The following CACNA2D3 variants were observed in gnomAD, a reference collection of about 807,000 sequenced individuals.
The protein encoded by CACNA2D3 is voltage-dependent calcium channel subunit alpha-2/delta-3.
CACNA2D3 carries 60 observed loss-of-function variants against 160.6 expected under a neutral mutation model. The ratio of observed to expected loss-of-function variants is 0.37; its 90% CI spans 0.30 to 0.46. The LOEUF (loss-of-function observed/expected upper bound fraction) is 0.46, where lower values mean the gene tolerates loss of function less well. Ranked by LOEUF, CACNA2D3 falls within the 20% of genes least tolerant of loss-of-function variation. The pLI is 1.00. For missense variants in CACNA2D3, 1,205 were observed against 1,365.0 expected (o/e 0.88, Z 1.85); for synonymous variants, 558 against 492.9 (o/e 1.13, Z -1.75).
intron 9 of CACNA2D3, among the ~76,000 whole-genome samples, chr3:54,603,386 C>T (rs559056738): frequency 3.0e-4 from 46 of 152,328 alleles, no homozygotes; most frequent in African/African-American, 1.1e-3. Flanking sequence ...ATCTATCCAA[C>T]CCCTTTCTTT....
intron 10 of CACNA2D3, among the ~76,000 whole-genome samples, chr3:54,641,913 G>A (rs1418974394): frequency 6.6e-6 from 1 of 151,980 alleles, no homozygotes; most frequent in Non-Finnish European, 1.5e-5. Context: ...TTGGTTGGAG[G>A]GCTTAGAATT....
chr3:54,896,699 C>A (rs1341646086), intron 25 of CACNA2D3, 50 bp from the exon 26 acceptor site: 1 of 1,613,174 alleles, frequency 6.2e-7, no homozygotes, highest in Non-Finnish European at 8.5e-7. Flanking sequence ...CCAGGCCCAC[C>A]TTTACTCTGC....
At chr3:54,660,225 A>G (rs991470827) in intron 11 of CACNA2D3, among the ~76,000 whole-genome samples, 2 of 150,338 alleles carry the variant, frequency 1.3e-5, no homozygotes, top group African/African-American at 4.9e-5. Flanking sequence ...CAGTGGCACC[A>G]TCTTGGCTCA....
chr3:54,810,284 G>C (rs1036197481), intron 13 of CACNA2D3, among the ~76,000 whole-genome samples: 13 of 152,212 alleles, frequency 8.5e-5, no homozygotes, highest in Non-Finnish European at 1.8e-4. Context: ...GAGTGAACCT[G>C]GAGAGACCAG....
chr3:54,596,492 T>C (rs1391478535), intron 9 of CACNA2D3, among the ~76,000 whole-genome samples: 4 of 152,142 alleles, frequency 2.6e-5, no homozygotes. Flanking sequence ...AGTCTCCATA[T>C]GTATGGGCTC....
chr3:54,807,441 A>C (rs1375210991), intron 13 of CACNA2D3, among the ~76,000 whole-genome samples: 2 of 152,226 alleles, frequency 1.3e-5, no homozygotes, highest in African/African-American at 4.8e-5. Flanking sequence ...GCAGCCAAAA[A>C]ACACATGAAA....
At chr3:55,010,508 G>T (rs1703186926) in intron 34 of CACNA2D3, among the ~76,000 whole-genome samples, 1 of 152,138 alleles carries the variant, frequency 6.6e-6, no homozygotes, top group African/African-American at 2.4e-5. Flanking sequence ...ATGAACGCTG[G>T]CTCCAGCAGT....
At chr3:54,221,892 A>G (rs1340765737) in intron 2 of CACNA2D3, among the ~76,000 whole-genome samples, 5 of 151,870 alleles carry the variant, frequency 3.3e-5, no homozygotes, top group Non-Finnish European at 7.4e-5. Context: ...TCTGTCATCC[A>G]GGCTGGAGTG....
intron 25 of CACNA2D3, among the ~76,000 whole-genome samples, chr3:54,894,943 A>G (rs1367557222): frequency 6.6e-6 from 1 of 151,494 alleles, no homozygotes; most frequent in Non-Finnish European, 1.5e-5. Flanking sequence ...AGTCTTGCAC[A>G]TGACTCCAAA....
chr3:55,050,472 C>T (rs1054524072), intron 35 of CACNA2D3, among the ~76,000 whole-genome samples: 8 of 151,330 alleles, frequency 5.3e-5, no homozygotes, highest in East Asian at 3.9e-4. Flanking sequence ...CCGAGAGATC[C>T]GCTGTTAGTC....
intron 2 of CACNA2D3, among the ~76,000 whole-genome samples, chr3:54,191,406 TC>T (rs1302171683): frequency 6.6e-6 from 1 of 151,240 alleles, no homozygotes; most frequent in East Asian, 1.9e-4. Flanking sequence ...AACATCATCA[TC>T]ATCATCATCA....
chr3:54,803,148 A>AG (rs1476452487), intron 13 of CACNA2D3, among the ~76,000 whole-genome samples: 1 of 152,238 alleles, frequency 6.6e-6, no homozygotes, highest in East Asian at 1.9e-4. Context: ...TAAAAAGCAG[A>AG]GCGCCTCTCC....
chr3:54,602,300 C>A (rs1279029605), intron 9 of CACNA2D3, among the ~76,000 whole-genome samples: 2 of 151,964 alleles, frequency 1.3e-5, no homozygotes, highest in Admixed American at 1.3e-4. Context: ...GAGTTAGAGA[C>A]CAGCCTGGCC....
chr3:54,515,248 A>G (rs1016262306), intron 5 of CACNA2D3, among the ~76,000 whole-genome samples: 2 of 151,836 alleles, frequency 1.3e-5, no homozygotes, highest in African/African-American at 4.8e-5. Context: ...AAGTGGTTGT[A>G]TATGCAGAAG....
chr3:54,782,576 A>G (rs1354086323), intron 13 of CACNA2D3, among the ~76,000 whole-genome samples: 5 of 151,986 alleles, frequency 3.3e-5, no homozygotes, highest in African/African-American at 7.2e-5. Flanking sequence ...TGGGCCATGC[A>G]TGTGTTTCCC....
chr3:55,061,169 C>T (rs547848841), intron 35 of CACNA2D3, among the ~76,000 whole-genome samples: 1 of 152,376 alleles, frequency 6.6e-6, no homozygotes, highest in South Asian at 2.1e-4. Context: ...CTTTCTCCAT[C>T]AGCAAGTCAC....
At chr3:54,833,712 C>T (rs1041436342) in intron 14 of CACNA2D3, among the ~76,000 whole-genome samples, 4 of 152,054 alleles carry the variant, frequency 2.6e-5, no homozygotes, top group African/African-American at 7.2e-5. Context: ...CTCCATGAAA[C>T]GTTTAAGATT....
chr3:54,630,313 C>T (rs1699207390), intron 10 of CACNA2D3, among the ~76,000 whole-genome samples: 1 of 152,200 alleles, frequency 6.6e-6, no homozygotes, highest in Admixed American at 6.5e-5. Flanking sequence ...TGTCTGCTCC[C>T]CTTCCTCTAT....
At chr3:54,705,143 T>G (rs1700836092) in intron 11 of CACNA2D3, among the ~76,000 whole-genome samples, 1 of 152,202 alleles carries the variant, frequency 6.6e-6, no homozygotes, top group African/African-American at 2.4e-5. Context: ...ATATTTCAAA[T>G]GTACTGAATA....
Sources: allele counts gnomAD v4.1 joint callset (sites outside exome capture counted in the v4.1 genomes callset), GRCh38; gene constraint gnomAD v4.1.1; transcripts MANE v1.5; gene names NCBI Gene and HGNC (gene_info 2026-07-23, HGNC 2026-07-21).